The following CRAMP1 variants were observed in gnomAD, a reference collection of about 807,000 sequenced individuals.
CRAMP1 encodes the protein protein cramped-like.
CRAMP1 carries 50 observed loss-of-function variants against 115.4 expected under a neutral mutation model. The observed-to-expected ratio is 0.43, with a 90% CI of 0.35 to 0.55. CRAMP1 has a LOEUF of 0.55. CRAMP1 is among the 20% of genes least tolerant of loss of function. The pLI, the probability that CRAMP1 is intolerant of heterozygous loss-of-function variation, is 0.01. For synonymous variants in CRAMP1, 866 were observed against 745.4 expected, an observed-to-expected ratio of 1.16 and a Z score of -2.64; for missense variants, 1,679 against 1,721.7, an observed-to-expected ratio of 0.98 and a Z score of 0.44.
Position 1,656,440 on chromosome 16 carries a change from G to A in CRAMP1, c.1683G>A (p.Leu561=). The change falls in exon 10 of 21, where the codon TTG becomes TTA. Residue 561 remains leucine, a synonymous_variant. Transcript: ENST00000397412. The surrounding 1 kb of genome is among the most constrained non-coding windows in gnomAD (Gnocchi z 5.6). ...LEDELSLLDP[L]PRYLKSCQDL... is the part of the protein sequence containing the mutation. ...ACGAGCTCTCGCTTCTAGACCCCTT[G>A]CCCCGCTACCTAAAGTCCTGTCAGG... 1 of 1,584,892 alleles carries A rather than the reference G, an allele frequency of 6.3e-7. No individual in the cohort carries two copies. Among genetic ancestry groups the A allele is most frequent in the Non-Finnish European group, 8.6e-7 (1 of 1,166,170 alleles).
chr16:1,657,684 T>C (rs1485541574), intron 10 of CRAMP1, among the ~76,000 whole-genome samples: 1 of 152,120 alleles, frequency 6.6e-6, no homozygotes, highest in East Asian at 1.9e-4. Flanking sequence ...GAAGGGTCCC[T>C]TACCACAGGG....
chr16:1,652,597 G>A lies in CRAMP1; in HGVS notation c.913+16G>A, dbSNP rs1366899372. 6.5e-6 allele frequency: 10 copies of A among 1,549,486 alleles called. No homozygotes were observed. Among genetic ancestry groups the A allele is most frequent in the African/African-American group, 5.5e-5 (4 of 73,016 alleles). On this transcript the variant is annotated intron_variant, in intron 7 of 20. Coordinates refer to ENST00000397412, the MANE Select transcript of CRAMP1 (RefSeq NM_020825.4). Reference sequence around the variant, plus strand: ...GATCCAGATGGTAAGTGAATGGGGCGCTCCCGGGACCAGAGGCGGTGCCCA... The same window carrying A: ...GATCCAGATGGTAAGTGAATGGGGCACTCCCGGGACCAGAGGCGGTGCCCA...
Position 1,657,007 on chromosome 16 carries a change from GC to G in CRAMP1, c.2235+18del. On this transcript the variant is annotated intron_variant, in intron 10 of 20. Transcript: ENST00000397412. Reference sequence around the variant, plus strand: ...ACCCCAAGCTGGTGAGTGGGTTGGAGCCCAGCCCCTCTGGCGGCCCAAGGGA... The same window carrying G: ...ACCCCAAGCTGGTGAGTGGGTTGGAGCCAGCCCCTCTGGCGGCCCAAGGGA... 1 of 1,491,998 alleles carries G rather than the reference GC, an allele frequency of 6.7e-7. No homozygotes were observed. Among genetic ancestry groups the G allele is most frequent in the Non-Finnish European group, 8.9e-7 (1 of 1,121,604 alleles). 92.4% of individuals were successfully genotyped at this position (1,491,998 alleles called of 1,614,324 possible). A position where few individuals can be genotyped will look rare whatever the true frequency, so the allele number is the denominator to read the frequency against.
intron 2 of CRAMP1, among the ~76,000 whole-genome samples, chr16:1,616,888 C>T (rs562149222): frequency 6.6e-6 from 1 of 151,436 alleles, no homozygotes; most frequent in South Asian, 2.1e-4. Flanking sequence ...GATCTCAGCT[C>T]ATTGCAAGCT....
chr16:1,620,448 C>T (rs934443708), intron 2 of CRAMP1, among the ~76,000 whole-genome samples: 3 of 152,186 alleles, frequency 2.0e-5, no homozygotes, highest in African/African-American at 7.2e-5. Flanking sequence ...GTGTTCACTG[C>T]AGTCCTCTCA....
At chr16:1,626,912 G>T (rs374901702) in intron 3 of CRAMP1, among the ~76,000 whole-genome samples, 1 of 152,138 alleles carries the variant, frequency 6.6e-6, no homozygotes, top group Non-Finnish European at 1.5e-5. Flanking sequence ...ACTGTCTGCG[G>T]CTGATGCCAC....
At chr16:1,618,038 G>T (rs962000711) in intron 2 of CRAMP1, among the ~76,000 whole-genome samples, 1 of 152,226 alleles carries the variant, frequency 6.6e-6, no homozygotes, top group African/African-American at 2.4e-5. Context: ...ACCCTGGGAC[G>T]CACTGGAGAT....
intron 4 of CRAMP1, among the ~76,000 whole-genome samples, chr16:1,634,254 C>G (rs1317496701): frequency 6.6e-6 from 1 of 152,206 alleles, no homozygotes; most frequent in African/African-American, 2.4e-5. Context: ...GACCCTCAGG[C>G]TCCTGGCGTA....
chr16:1,635,764 A>G (rs1465348022), intron 4 of CRAMP1, among the ~76,000 whole-genome samples: 1 of 151,956 alleles, frequency 6.6e-6, no homozygotes, highest in Non-Finnish European at 1.5e-5. Flanking sequence ...AGCCATTGCC[A>G]CTCTCTAGTT....
chr16:1,632,390 G>C (rs747716228), intron 4 of CRAMP1, 25 bp downstream of exon 4: 3 of 1,565,310 alleles, frequency 1.9e-6, no homozygotes, highest in South Asian at 1.2e-5. Flanking sequence ...GGCCAGGCTC[G>C]GGGGTGCCCA....
intron 6 of CRAMP1, among the ~76,000 whole-genome samples, chr16:1,647,570 G>A (rs767817560): frequency 2.6e-5 from 4 of 151,900 alleles, no homozygotes. Flanking sequence ...GTGAAATCCC[G>A]TCTGTATTAA....
At chr16:1,623,827 G>A (rs2036485889) in intron 2 of CRAMP1, among the ~76,000 whole-genome samples, 1 of 152,250 alleles carries the variant, frequency 6.6e-6, no homozygotes, top group Admixed American at 6.5e-5. Context: ...GGTTGATTAA[G>A]TCCAGGTTTG....
chr16:1,626,864 A>C (rs2036512396), intron 3 of CRAMP1, among the ~76,000 whole-genome samples: 1 of 151,986 alleles, frequency 6.6e-6, no homozygotes, highest in Non-Finnish European at 1.5e-5. Context: ...TTTTGTAAAA[A>C]CATCATATTG....
In CRAMP1 at chr16:1,666,196, G is replaced by C; in HGVS notation, c.2857+19G>C. The C allele has an allele frequency of 6.5e-7, 1 of 1,535,954 alleles. No homozygotes were observed. The highest frequency in any genetic ancestry group is 1.4e-5 in the African/African-American group (1 of 73,372). On this transcript the variant is annotated intron_variant, in intron 15 of 20. Transcript: ENST00000397412. The surrounding 1 kb of genome is among the most constrained non-coding windows in gnomAD (Gnocchi z 5.0). ...CTGGCCAGTAAGTCTGTACCTGCAT[G>C]GCCACAGCCACTGAGTGAGCCTCTG...
intron 4 of CRAMP1, among the ~76,000 whole-genome samples, 161 bp downstream of exon 4, chr16:1,632,526 GCTGT>G (rs1300922614): frequency 2.0e-5 from 3 of 152,256 alleles, no homozygotes; most frequent in Non-Finnish European, 4.4e-5. Flanking sequence ...CTGATTGTGT[GCTGT>G]CTAACTCGGT....
At chr16:1,654,932 G>A (rs1029697021) in intron 8 of CRAMP1, among the ~76,000 whole-genome samples, 1 of 152,252 alleles carries the variant, frequency 6.6e-6, no homozygotes, top group Non-Finnish European at 1.5e-5. Context: ...GAGGCTGTGC[G>A]CCAGCACCCA....
chr16:1,626,463 A>G (rs1351184768), intron 3 of CRAMP1, among the ~76,000 whole-genome samples: 2 of 151,690 alleles, frequency 1.3e-5, no homozygotes, highest in East Asian at 3.9e-4. Flanking sequence ...GATGTTCTTG[A>G]CTGAAGGCCC....
In CRAMP1 at chr16:1,620,825, G is replaced by A. The variant is rs574464064; in HGVS notation, c.347-5148G>A. The stretch of plus-strand genomic sequence containing the variant: ...GCTTGGCTTTCAGAGCTGTTCTGAC[G>A]GCACGGCATGGGAAACGCCTGGGTT... On this transcript the variant is annotated intron_variant, in intron 2 of 20. Coordinates refer to ENST00000397412, the MANE Select transcript of CRAMP1 (RefSeq NM_020825.4). 279 of 383,924 alleles carry A rather than the reference G, an allele frequency of 7.3e-4. 2 individuals are homozygous for A. Among genetic ancestry groups the A allele is most frequent in the Non-Finnish European group, 3.6e-4 (65 of 181,274 alleles). 23.8% of individuals were successfully genotyped at this position (383,924 alleles called of 1,614,324 possible). A position where few individuals can be genotyped will look rare whatever the true frequency, so the allele number is the denominator to read the frequency against.
intron 20 of CRAMP1, 61 bp from the exon 21 acceptor site, chr16:1,673,820 C>T (rs1261550872): frequency 1.9e-6 from 3 of 1,539,088 alleles, no homozygotes; most frequent in Non-Finnish European, 2.7e-6. Flanking sequence ...TCAGGACCCG[C>T]CCTCCACTGA....
Sources: allele counts gnomAD v4.1 joint callset (sites outside exome capture counted in the v4.1 genomes callset), GRCh38; gene constraint gnomAD v4.1.1; non-coding constraint Gnocchi (gnomAD v3.1); transcripts MANE v1.5; gene names NCBI Gene and HGNC (gene_info 2026-07-23, HGNC 2026-07-21).